Variants in BBS9 observed in about 807,000 individuals in gnomAD.
BBS9 encodes the protein Bardet-Biedl syndrome 9, also known as protein PTHB1.
BBS9 carries 89 observed loss-of-function variants against 117.7 expected under a neutral mutation model. The ratio of observed to expected loss-of-function variants is 0.76; its 90% CI spans 0.64 to 0.90. The LOEUF is 0.90. Among genes scored for constraint, BBS9 ranks in the 40% least tolerant of loss-of-function variants. The probability of loss-of-function intolerance (pLI) is 0.00; values close to 1 mark genes in which losing one functional copy is unlikely to be tolerated. For synonymous variants in BBS9, 379 were observed against 370.9 expected (o/e 1.02, Z -0.25); for missense variants, 982 against 1,042.2 (o/e 0.94, Z 0.80).
Position 33,294,086 on chromosome 7 carries a change from C to G in BBS9, c.1016+20130C>G, listed in dbSNP as rs924211736. ...GAAACACAGCATTGTGAATCTTAGT[C>G]TAACATATACTTTGAAGCCAGTACA... On this transcript the variant is annotated intron_variant, in intron 9 of 22. Coordinates refer to ENST00000242067, the MANE Select transcript of BBS9 (RefSeq NM_198428.3). 2.6e-5 allele frequency among the ~76,000 whole-genome samples: 4 copies of G among 152,074 alleles called. No homozygotes were observed. The East Asian group carries it at 7.7e-4, about 29-fold the overall frequency.
At chr7:33,306,302 G>A (rs116206308) in intron 9 of BBS9, among the ~76,000 whole-genome samples, 1,700 of 151,768 alleles carry the variant, frequency 0.011, 39 homozygotes, top group African/African-American at 0.039. Flanking sequence ...GACTTGTTTT[G>A]TGACTTAACA....
intron 5 of BBS9, among the ~76,000 whole-genome samples, chr7:33,249,426 A>G (rs1795891031): frequency 6.6e-6 from 1 of 152,112 alleles, no homozygotes; most frequent in African/African-American, 2.4e-5. Flanking sequence ...GAGACATACT[A>G]TTGAATAAAT....
At chr7:33,624,996 A>T (rs973286425) in intron 21 of BBS9, among the ~76,000 whole-genome samples, 1 of 152,172 alleles carries the variant, frequency 6.6e-6, no homozygotes. Context: ...CTCTCAGTAG[A>T]TGTGTCTGCT....
In BBS9 at chr7:33,155,722, A is replaced by ATT; in HGVS notation, c.328+21_328+22insTT. On this transcript the variant is annotated intron_variant, in intron 4 of 22. Transcript: ENST00000242067. Reference sequence around the variant, plus strand: ...TCTCAGGTAAGAAATATTTTTACCAATGTAGAATTTATATTACAAATTGGG... The same window carrying ATT: ...TCTCAGGTAAGAAATATTTTTACCAATTTGTAGAATTTATATTACAAATTGGG... 9.2e-7 allele frequency: 1 copy of ATT among 1,087,850 alleles called. No homozygotes were observed. Among genetic ancestry groups the ATT allele is most frequent in the Non-Finnish European group, 1.3e-6 (1 of 747,406 alleles). The allele number at this position is 1,087,850 out of a possible 1,614,324, so 67.4% of individuals were successfully genotyped here.
intron 6 of BBS9, among the ~76,000 whole-genome samples, chr7:33,258,443 ACT>A (rs977571765): frequency 1.3e-5 from 2 of 152,142 alleles, no homozygotes; most frequent in Admixed American, 1.3e-4. Flanking sequence ...TAGGGTTAAA[ACT>A]CTGAAAATAA....
chr7:33,605,383 A>G lies in BBS9; in HGVS notation c.*157A>G, dbSNP rs1050910386. On this transcript the variant is annotated 3_prime_UTR_variant, in exon 23 of 23. Transcript: ENST00000242067. ...ATAGAAAGAGGGGTTGGGACTTTTT[A>G]CTTCACTAGGAGAACTTGTAACACC... The G allele has an allele frequency of 2.6e-6, 2 of 768,354 alleles. No homozygotes were observed. Among genetic ancestry groups the G allele is most frequent in the East Asian group, 2.6e-5 (1 of 38,696 alleles). 47.6% of individuals were successfully genotyped at this position (768,354 alleles called of 1,614,324 possible).
intron 21 of BBS9, among the ~76,000 whole-genome samples, chr7:33,546,972 C>T (rs954441245): frequency 2.0e-5 from 3 of 152,178 alleles, no homozygotes; most frequent in African/African-American, 7.2e-5. Context: ...TTGTGCCGCA[C>T]ATGCAGACAC....
chr7:33,209,970 A>G (rs1214590558), intron 5 of BBS9, among the ~76,000 whole-genome samples: 1 of 152,032 alleles, frequency 6.6e-6, no homozygotes, highest in Non-Finnish European at 1.5e-5. Flanking sequence ...TCGCACTTTA[A>G]GATGCATGAT....
At chr7:33,362,276 A>AC (rs947826636) in intron 16 of BBS9, among the ~76,000 whole-genome samples, 15 of 151,634 alleles carry the variant, frequency 9.9e-5, no homozygotes, top group Non-Finnish European at 1.9e-4. Context: ...ATCTTCATAA[A>AC]CCCCCCCGTT....
chr7:33,296,321 A>C (rs1584166095), intron 9 of BBS9, among the ~76,000 whole-genome samples: 1 of 152,148 alleles, frequency 6.6e-6, no homozygotes, highest in Non-Finnish European at 1.5e-5. Flanking sequence ...GTGTAAAACA[A>C]TTAGAATTTA....
intron 20 of BBS9, among the ~76,000 whole-genome samples, chr7:33,526,653 A>AT (rs1481001353): frequency 4.8e-5 from 7 of 144,762 alleles, no homozygotes; most frequent in Non-Finnish European, 1.1e-4. Flanking sequence ...ATTCTTCTTA[A>AT]TTTTTTTCAA....
At chr7:33,599,038 A>G (rs959002516) in intron 21 of BBS9, among the ~76,000 whole-genome samples, 7 of 152,346 alleles carry the variant, frequency 4.6e-5, no homozygotes, top group African/African-American at 1.4e-4. Context: ...TAGTGGTACC[A>G]GAGACCAGAT....
At position 33,405,108 on chromosome 7, in the gene BBS9, G is replaced by GT. The variant is rs1323143885; in HGVS notation, c.2115+16970dup. 2.0e-5 allele frequency among the ~76,000 whole-genome samples: 3 copies of GT among 152,160 alleles called. No homozygotes were observed. The East Asian group carries it at 5.8e-4, about 29-fold the overall frequency. On this transcript the variant is annotated intron_variant, in intron 19 of 22. Transcript: ENST00000242067. ...TCTGCATCTATTGAGATAATCATGT[G>GT]TTTTTTGTCTTTGGTTCTGTTTGTA...
intron 1 of BBS9, among the ~76,000 whole-genome samples, chr7:33,136,500 G>A (rs1790483589): frequency 6.6e-6 from 1 of 152,174 alleles, no homozygotes. Flanking sequence ...ATTTTGCATA[G>A]ATGTCTTTTA....
intron 21 of BBS9, among the ~76,000 whole-genome samples, chr7:33,632,455 C>T (rs1205775783): frequency 6.6e-6 from 1 of 152,226 alleles, no homozygotes; most frequent in Non-Finnish European, 1.5e-5. Flanking sequence ...CTTGCCCGGG[C>T]CTCTGTCCCC....
chr7:33,474,762 A>G (rs1224186032), intron 19 of BBS9, among the ~76,000 whole-genome samples: 1 of 152,196 alleles, frequency 6.6e-6, no homozygotes, highest in Non-Finnish European at 1.5e-5. Flanking sequence ...CCTGGTCAAG[A>G]TGGTGAAATC....
intron 9 of BBS9, among the ~76,000 whole-genome samples, chr7:33,324,621 A>C (rs1322797970): frequency 7.0e-6 from 1 of 142,690 alleles, no homozygotes; most frequent in African/African-American, 2.6e-5. Flanking sequence ...TTTTTTCCAG[A>C]TTGAAGAACT....
intron 9 of BBS9, among the ~76,000 whole-genome samples, chr7:33,318,127 C>T (rs1347741410): frequency 6.6e-6 from 1 of 152,114 alleles, no homozygotes; most frequent in Middle Eastern, 3.2e-3. Context: ...AGCAAAACCC[C>T]CTTGCATAAC....
chr7:33,219,103 G>C (rs1034246064), intron 5 of BBS9, among the ~76,000 whole-genome samples: 22 of 152,324 alleles, frequency 1.4e-4, no homozygotes, highest in African/African-American at 5.3e-4. Flanking sequence ...TGGGCAATGA[G>C]GGGCTTAGCA....
Sources: allele counts gnomAD v4.1 joint callset (sites outside exome capture counted in the v4.1 genomes callset), GRCh38; gene constraint gnomAD v4.1.1; transcripts MANE v1.5; gene names NCBI Gene and HGNC (gene_info 2026-07-23, HGNC 2026-07-21).